The following WWOX variants were observed in gnomAD, a reference collection of about 807,000 sequenced individuals.
WWOX encodes the protein WW domain containing oxidoreductase.
In WWOX, 69 loss-of-function variants were observed where a neutral mutation model predicts 46.2. The observed-to-expected ratio is 1.49, with a 90% confidence interval of 1.23 to 1.82. The LOEUF is 1.82. WWOX is among the 40% of genes most tolerant of loss of function. The probability of loss-of-function intolerance (pLI) is 0.00; values close to 1 mark genes in which losing one functional copy is unlikely to be tolerated. For missense variants in WWOX, 919 were observed against 542.6 expected (o/e 1.69, Z -6.89); for synonymous variants, 359 against 202.6 (o/e 1.77, Z -6.56).
At chr16:78,670,369 G>C (rs1404602721) in intron 8 of WWOX, among the ~76,000 whole-genome samples, 1 of 152,158 alleles carries the variant, frequency 6.6e-6, no homozygotes, top group African/African-American at 2.4e-5. Context: ...GTTCATCCCG[G>C]AAATATGCAG....
chr16:78,942,985 G>A (rs1046938805), intron 8 of WWOX, among the ~76,000 whole-genome samples: 1 of 152,192 alleles, frequency 6.6e-6, no homozygotes, highest in African/African-American at 2.4e-5. Context: ...ATTTGTATCA[G>A]ATCAACTTTG....
chr16:78,652,404 GTC>G (rs1237688591), intron 8 of WWOX, among the ~76,000 whole-genome samples: 2 of 118,090 alleles, frequency 1.7e-5, no homozygotes, highest in African/African-American at 3.7e-5. Context: ...GCGAGACTCC[GTC>G]TCAAAAAAAA....
rs562930907 is a variant in WWOX at position 78,401,698 on chromosome 16, A to G, written c.605+14750A>G. On this transcript the variant is annotated intron_variant, in intron 6 of 8. Coordinates refer to ENST00000566780, the MANE Select transcript of WWOX (RefSeq NM_016373.4). ...TGAGACATAATTTACATACAATACA[A>G]TTCCTTTTTTCTTTTTTTTGAGACG... 1.9e-4 allele frequency among the ~76,000 whole-genome samples: 29 copies of G among 152,034 alleles called. No individual in the cohort carries two copies. The South Asian group carries it at 5.2e-3, about 27-fold the overall frequency.
rs548933211 is a variant in WWOX at position 78,938,431 on chromosome 16, G to C, written c.1057-273177G>C. Among the ~76,000 whole-genome samples, 7 of 151,952 alleles carry C rather than the reference G, an allele frequency of 4.6e-5. No individual in the cohort carries two copies. The South Asian group carries it at 1.5e-3, about 32-fold the overall frequency. On this transcript the variant is annotated intron_variant, in intron 8 of 8. Transcript: ENST00000566780. ...AGACACAGAGAGCTTGAGGACCTTT[G>C]TGTGAGACAGTGAAACCCTCAAAGG...
chr16:78,225,510 G>C (rs4887945), intron 5 of WWOX, among the ~76,000 whole-genome samples: 80,802 of 151,822 alleles, frequency 0.53, 21,725 homozygotes, highest in Admixed American at 0.64. Flanking sequence ...TAATTGTTAC[G>C]CTTTAAAAAT....
intron 8 of WWOX, among the ~76,000 whole-genome samples, chr16:78,795,332 C>T (rs1324613567): frequency 2.0e-5 from 3 of 152,148 alleles, no homozygotes; most frequent in Non-Finnish European, 4.4e-5. Context: ...GGCAGTCCAA[C>T]CCCCTGAAAG....
At chr16:78,547,798 C>T (rs1304406771) in intron 8 of WWOX, among the ~76,000 whole-genome samples, 1 of 151,970 alleles carries the variant, frequency 6.6e-6, no homozygotes, top group East Asian at 1.9e-4. Flanking sequence ...AAGGCTTTGC[C>T]TCAATGACCT....
At chr16:79,125,959 G>A (rs1393085011) in intron 8 of WWOX, among the ~76,000 whole-genome samples, 1 of 152,128 alleles carries the variant, frequency 6.6e-6, no homozygotes, top group African/African-American at 2.4e-5. Flanking sequence ...TCCGGCTGGT[G>A]GTGTTTTTAC....
At chr16:78,841,695 T>G (rs186862181) in intron 8 of WWOX, among the ~76,000 whole-genome samples, 3 of 152,348 alleles carry the variant, frequency 2.0e-5, no homozygotes, top group Non-Finnish European at 4.4e-5. Context: ...ATTAGACGAT[T>G]TCATTTTGGG....
At chr16:78,780,987 G>A (rs749624069) in intron 8 of WWOX, among the ~76,000 whole-genome samples, 1 of 152,182 alleles carries the variant, frequency 6.6e-6, no homozygotes, top group Non-Finnish European at 1.5e-5. Flanking sequence ...CTGCAGACTG[G>A]TGTGGCCGAA....
intron 8 of WWOX, among the ~76,000 whole-genome samples, chr16:79,020,429 G>A (rs11647712): frequency 6.6e-6 from 1 of 151,912 alleles, no homozygotes; most frequent in Admixed American, 6.6e-5. Flanking sequence ...CCTCTTTGTG[G>A]CTCAGTTTCT....
chr16:79,048,002 C>A (rs900636294), intron 8 of WWOX, among the ~76,000 whole-genome samples: 5 of 152,104 alleles, frequency 3.3e-5, no homozygotes, highest in Admixed American at 3.3e-4. Flanking sequence ...CTGAAAATAT[C>A]CCTTGTGGTC....
In WWOX at chr16:78,971,324, AG is replaced by A. The variant is rs376203177; in HGVS notation, c.1057-240282del. Among the ~76,000 whole-genome samples the A allele has an allele frequency of 5.1e-3, 771 of 151,916 alleles. 9 individuals are homozygous for A. The highest frequency in any genetic ancestry group is 0.018 in the African/African-American group (739 of 41,462). Reference sequence around the variant, plus strand: ...ACTAAAAATACAAAAATTAGGTGGCAGGCACTTGTAATCCCAGCTACTCAGA... The same window carrying A: ...ACTAAAAATACAAAAATTAGGTGGCAGCACTTGTAATCCCAGCTACTCAGA... On this transcript the variant is annotated intron_variant, in intron 8 of 8. Transcript: ENST00000566780.
At chr16:79,161,109 A>G (rs1235979138) in intron 8 of WWOX, among the ~76,000 whole-genome samples, 1 of 152,220 alleles carries the variant, frequency 6.6e-6, no homozygotes, top group Non-Finnish European at 1.5e-5. Flanking sequence ...CACAGACCTC[A>G]TGAAATAGGT....
chr16:78,621,592 C>CTTTTTTTTTTTTTTTTTTTT lies in WWOX; in HGVS notation c.1056+188851_1056+188870dup, dbSNP rs34182797. Among the ~76,000 whole-genome samples the CTTTTTTTTTTTTTTTTTTTT allele has an allele frequency of 3.9e-3, 123 of 31,540 alleles. 42 individuals are homozygous for CTTTTTTTTTTTTTTTTTTTT. Among genetic ancestry groups the CTTTTTTTTTTTTTTTTTTTT allele is most frequent in the Non-Finnish European group, 5.0e-3 (85 of 17,064 alleles). 20.7% of individuals were successfully genotyped at this position (31,540 alleles called of 152,430 possible). A position where few individuals can be genotyped will look rare whatever the true frequency, so the allele number is the denominator to read the frequency against. On this transcript the variant is annotated intron_variant, in intron 8 of 8. Coordinates refer to ENST00000566780, the MANE Select transcript of WWOX (RefSeq NM_016373.4). ...ACCTTTAACCTTGTGTTGTTCTAAT[C>CTTTTTTTTTTTTTTTTTTTT]TTTTTTTTTTTTTTTTTTTTTTTTT... is the stretch of plus-strand genomic sequence containing the variant.
At chr16:78,268,513 T>G (rs1378908806) in intron 5 of WWOX, among the ~76,000 whole-genome samples, 2 of 152,158 alleles carry the variant, frequency 1.3e-5, no homozygotes, top group African/African-American at 4.8e-5. Context: ...TTGGAAGACA[T>G]CGAGAGCATG....
intron 8 of WWOX, among the ~76,000 whole-genome samples, chr16:79,088,389 C>A (rs947120159): frequency 3.3e-5 from 5 of 152,290 alleles, no homozygotes; most frequent in South Asian, 2.1e-4. Flanking sequence ...AGACTCTGAT[C>A]AGATAAAGAC....
intron 8 of WWOX, among the ~76,000 whole-genome samples, chr16:78,755,300 C>T (rs903937827): frequency 1.3e-5 from 2 of 151,416 alleles, no homozygotes; most frequent in African/African-American, 4.9e-5. Flanking sequence ...GATTTAATTC[C>T]AGGAATTGGA....
intron 5 of WWOX, among the ~76,000 whole-genome samples, chr16:78,310,083 TTTTC>T (rs1411335456): frequency 1.3e-5 from 2 of 152,064 alleles, no homozygotes; most frequent in African/African-American, 2.4e-5. Flanking sequence ...CTCTTTTTCC[TTTTC>T]TTTCTATCAT....
Sources: gnomAD v4.1 joint callset for allele counts (sites outside exome capture counted in the v4.1 genomes callset) on GRCh38, gnomAD v4.1.1 for gene constraint, MANE v1.5 for transcripts, NCBI Gene and HGNC (gene_info 2026-07-23, HGNC 2026-07-21) for gene names.